Variants in CRPPA observed in about 807,000 individuals in gnomAD.
The protein encoded by CRPPA is D-ribitol-5-phosphate cytidylyltransferase.
CRPPA carries 43 observed loss-of-function variants against 52.0 expected under a neutral mutation model. The observed-to-expected ratio is 0.83, with a 90% CI of 0.65 to 1.07. The LOEUF (loss-of-function observed/expected upper bound fraction) is 1.07. Among genes scored for constraint, CRPPA ranks in the 50% least tolerant of loss-of-function variants. CRPPA has a pLI of 0.00. For missense variants in CRPPA, 629 were observed against 551.7 expected (o/e 1.14, Z -1.40); for synonymous variants, 250 against 203.5 (o/e 1.23, Z -1.94).
At chr7:16,294,389 C>T (rs1017409369) in intron 5 of CRPPA, among the ~76,000 whole-genome samples, 17 of 151,902 alleles carry the variant, frequency 1.1e-4, no homozygotes, top group African/African-American at 4.1e-4. Flanking sequence ...TTGCTGACAA[C>T]AAATTAAGGA....
intron 4 of CRPPA, among the ~76,000 whole-genome samples, chr7:16,307,673 C>CAAAAAAAAAAAAAAAAA (rs55682769): frequency 2.3e-5 from 1 of 44,344 alleles, no homozygotes; most frequent in African/African-American, 8.9e-5. Context: ...GAAACTCTGT[C>CAAAAAAAAAAAAAAAAA]AAAAAAAAAA....
intron 9 of CRPPA, among the ~76,000 whole-genome samples, chr7:16,205,211 C>A (rs1388691277): frequency 1.3e-5 from 2 of 152,142 alleles, no homozygotes; most frequent in Non-Finnish European, 2.9e-5. Context: ...GATAATTAAA[C>A]TCTAAATAAC....
chr7:16,091,573 C>T lies in CRPPA; in HGVS notation c.*122G>A. ...TTTATAATCTAAGCATCACATCCTA[C>T]AAATTATAGAGAAGATATAAAAGAC... On this transcript the variant is annotated 3_prime_UTR_variant, in exon 10 of 10. Coordinates refer to ENST00000407010, the MANE Select transcript of CRPPA (RefSeq NM_001101426.4). 1 of 609,022 alleles carries T rather than the reference C, an allele frequency of 1.6e-6. No individual in the cohort carries two copies. Among genetic ancestry groups the T allele is most frequent in the Non-Finnish European group, 2.9e-6 (1 of 349,672 alleles). 37.7% of individuals were successfully genotyped at this position (609,022 alleles called of 1,614,324 possible).
intron 3 of CRPPA, among the ~76,000 whole-genome samples, chr7:16,375,436 C>T (rs1417759993): frequency 6.6e-6 from 1 of 152,062 alleles, no homozygotes; most frequent in African/African-American, 2.4e-5. Context: ...AACATGAAAA[C>T]CAGAAGCAAT....
At chr7:16,228,951 T>G (rs1782721064) in intron 8 of CRPPA, among the ~76,000 whole-genome samples, 2 of 152,032 alleles carry the variant, frequency 1.3e-5, no homozygotes, top group South Asian at 4.1e-4. Flanking sequence ...TCTATTAATA[T>G]TTGCTTCATA....
At chr7:16,215,338 A>C (rs1782274649) in intron 9 of CRPPA, among the ~76,000 whole-genome samples, 3 of 152,248 alleles carry the variant, frequency 2.0e-5, no homozygotes, top group Admixed American at 2.0e-4. Context: ...ATCTATGCAC[A>C]AAGGACAAAT....
intron 9 of CRPPA, among the ~76,000 whole-genome samples, chr7:16,172,015 T>A (rs1287275735): frequency 6.6e-6 from 1 of 152,158 alleles, no homozygotes; most frequent in African/African-American, 2.4e-5. Context: ...CTATTGAAAA[T>A]GTCATTTCAG....
At chr7:16,413,203 G>A (rs1182947412) in intron 1 of CRPPA, among the ~76,000 whole-genome samples, 1 of 152,182 alleles carries the variant, frequency 6.6e-6, no homozygotes, top group Non-Finnish European at 1.5e-5. Context: ...GAACTGGCAT[G>A]ATGGGGCTGA....
At chr7:16,276,672 CA>C (rs1190767234) in intron 6 of CRPPA, 2 of 152,024 alleles carry the variant, frequency 1.3e-5, no homozygotes, top group Non-Finnish European at 1.5e-5. Context: ...TCCAGAAAAC[CA>C]AAATGATTTT....
chr7:16,288,845 CAAAAAA>C (rs71007760), intron 5 of CRPPA, among the ~76,000 whole-genome samples: 2 of 34,840 alleles, frequency 5.7e-5, no homozygotes, highest in Non-Finnish European at 1.0e-4. Context: ...GACTCTGCCT[CAAAAAA>C]AAAAAAAAAA....
chr7:16,397,725 G>C (rs1018236189), intron 2 of CRPPA, among the ~76,000 whole-genome samples: 2 of 152,212 alleles, frequency 1.3e-5, no homozygotes, highest in Admixed American at 6.5e-5. Context: ...ACCAACGTTT[G>C]AGACATGTGA....
intron 8 of CRPPA, among the ~76,000 whole-genome samples, chr7:16,234,490 C>T (rs1379591738): frequency 6.6e-6 from 1 of 152,014 alleles, no homozygotes; most frequent in East Asian, 1.9e-4. Context: ...TTGAATTCTA[C>T]TAAAAAGATC....
chr7:16,205,468 A>C (rs1360944985), intron 9 of CRPPA, among the ~76,000 whole-genome samples: 1 of 152,202 alleles, frequency 6.6e-6, no homozygotes, highest in Non-Finnish European at 1.5e-5. Flanking sequence ...AGTTGTGTTT[A>C]TGCAGTTGCT....
Position 16,240,102 on chromosome 7 carries a change from A to G in CRPPA, c.1119+18288T>C, listed in dbSNP as rs1292308070. 3.3e-5 allele frequency among the ~76,000 whole-genome samples: 5 copies of G among 151,896 alleles called. No individual in the cohort carries two copies. The South Asian group carries it at 1.0e-3, about 32-fold the overall frequency. On this transcript the variant is annotated intron_variant, in intron 8 of 9. Transcript: ENST00000407010. Reference sequence around the variant, plus strand: ...TTCCATTAACCATTTAGTCATAAGCAAAGATCTCCTAAAAGTTACAACAAC... The same window carrying G: ...TTCCATTAACCATTTAGTCATAAGCGAAGATCTCCTAAAAGTTACAACAAC...
At chr7:16,143,489 A>C (rs1436968275) in intron 9 of CRPPA, among the ~76,000 whole-genome samples, 3 of 152,226 alleles carry the variant, frequency 2.0e-5, no homozygotes, top group Non-Finnish European at 4.4e-5. Flanking sequence ...ACCTGGAATG[A>C]GGTACCAACA....
intron 9 of CRPPA, among the ~76,000 whole-genome samples, chr7:16,098,024 G>A (rs1781969098): frequency 6.6e-6 from 1 of 152,084 alleles, no homozygotes; most frequent in Non-Finnish European, 1.5e-5. Context: ...ATATTGACAA[G>A]CTTTTTTAAA....
At chr7:16,252,357 T>C (rs1169724227) in intron 8 of CRPPA, among the ~76,000 whole-genome samples, 1 of 152,182 alleles carries the variant, frequency 6.6e-6, no homozygotes, top group Non-Finnish European at 1.5e-5. Context: ...CACAAGCCCT[T>C]CATGCTAAAA....
At chr7:16,172,059 G>A (rs894066909) in intron 9 of CRPPA, among the ~76,000 whole-genome samples, 21 of 152,142 alleles carry the variant, frequency 1.4e-4, no homozygotes, top group Admixed American at 1.2e-3. Context: ...ACGAAAGCAC[G>A]CTTTCTTTGC....
rs1241010922 is a variant in CRPPA, at chr7:16,241,970, T to TTTTTTTTG, written c.1119+16419_1119+16420insCAAAAAAA. On this transcript the variant is annotated intron_variant, in intron 8 of 9. Transcript: ENST00000407010. ...TCTTTTTTTTTTTTTTTTTTTTTTGTTGGGGGGAGATAGAGTCTCGCTCTG... is the reference window on the plus strand; with the variant it reads ...TCTTTTTTTTTTTTTTTTTTTTTTGTTTTTTTTGTGGGGGGAGATAGAGTCTCGCTCTG... 1.1e-3 allele frequency among the ~76,000 whole-genome samples: 118 copies of TTTTTTTTG among 104,902 alleles called. 13 individuals carry two copies. The highest frequency in any genetic ancestry group is 1.4e-3 in the East Asian group (5 of 3,530). The allele number at this position is 104,902 out of a possible 152,430, so 68.8% of individuals were successfully genotyped here.
Sources: gnomAD v4.1 joint callset for allele counts (sites outside exome capture counted in the v4.1 genomes callset) on GRCh38, gnomAD v4.1.1 for gene constraint, MANE v1.5 for transcripts, NCBI Gene and HGNC (gene_info 2026-07-23, HGNC 2026-07-21) for gene names.